Variants in TIAM1 observed in about 807,000 individuals in gnomAD.
TIAM1 encodes TIAM Rac1 associated GEF 1, also known as rho guanine nucleotide exchange factor TIAM1.
In TIAM1, 65 loss-of-function variants were observed where a neutral mutation model predicts 163.5. That is an observed-to-expected ratio of 0.40 (90% CI 0.33 to 0.49). TIAM1 has a LOEUF of 0.49. TIAM1 is among the 20% of genes least tolerant of loss of function. TIAM1 has a pLI of 0.77. For missense variants in TIAM1, 1,789 were observed against 2,044.7 expected (o/e 0.87, Z 2.41); for synonymous variants, 833 against 810.1 (o/e 1.03, Z -0.48).
At chr21:31,450,931 G>A (rs945372733) in intron 2 of TIAM1, among the ~76,000 whole-genome samples, 8 of 152,080 alleles carry the variant, frequency 5.3e-5, no homozygotes, top group African/African-American at 1.9e-4. Flanking sequence ...TTCAAGATGA[G>A]ATTTGGGTGG....
intron 1 of TIAM1, among the ~76,000 whole-genome samples, chr21:31,514,523 CAA>C (rs1043056393): frequency 3.8e-4 from 33 of 87,862 alleles, no homozygotes; most frequent in African/African-American, 8.9e-4. Context: ...ACTAAAAATA[CAA>C]AAAAAAAAAA....
chr21:31,414,924 C>T (rs942148426), intron 2 of TIAM1, among the ~76,000 whole-genome samples: 1 of 152,218 alleles, frequency 6.6e-6, no homozygotes, highest in African/African-American at 2.4e-5. Context: ...TCACGCACTC[C>T]AAGGAACATT....
At chr21:31,311,294 G>A (rs2074921265) in intron 2 of TIAM1, among the ~76,000 whole-genome samples, 1 of 151,982 alleles carries the variant, frequency 6.6e-6, no homozygotes, top group African/African-American at 2.4e-5. Flanking sequence ...AAAAGGGGAT[G>A]GACTTCAGTT....
At chr21:31,258,534 T>G (rs2072254398) in intron 4 of TIAM1, among the ~76,000 whole-genome samples, 1 of 152,102 alleles carries the variant, frequency 6.6e-6, no homozygotes, top group Non-Finnish European at 1.5e-5. Flanking sequence ...ATTGAGGAAG[T>G]AAGAAAGATA....
At chr21:31,532,067 T>C (rs530966870) in intron 1 of TIAM1, among the ~76,000 whole-genome samples, 2 of 152,174 alleles carry the variant, frequency 1.3e-5, no homozygotes, top group South Asian at 2.1e-4. Flanking sequence ...CAATGAGCCA[T>C]GATTGTGCCA....
chr21:31,553,479 C>T (rs556646875), intron 1 of TIAM1, among the ~76,000 whole-genome samples: 1 of 152,226 alleles, frequency 6.6e-6, no homozygotes, highest in Admixed American at 6.5e-5. Context: ...AAGAATAAAC[C>T]CCGTGGTTCT....
chr21:31,379,572 C>A (rs908189861), intron 2 of TIAM1, among the ~76,000 whole-genome samples: 8 of 151,178 alleles, frequency 5.3e-5, no homozygotes, highest in Admixed American at 5.3e-4. Context: ...AAAGCTTGTA[C>A]ACAAGTTTCG....
intron 2 of TIAM1, among the ~76,000 whole-genome samples, chr21:31,314,015 G>A (rs1052625640): frequency 6.6e-5 from 10 of 152,336 alleles, no homozygotes; most frequent in Non-Finnish European, 1.3e-4. Flanking sequence ...TTCCTGCATG[G>A]TAGACAAACA....
chr21:31,154,723 C>T (rs1384283139), intron 16 of TIAM1, among the ~76,000 whole-genome samples: 1 of 152,180 alleles, frequency 6.6e-6, no homozygotes, highest in Non-Finnish European at 1.5e-5. Flanking sequence ...GTAACTCATC[C>T]AAGATGATGC....
intron 9 of TIAM1, among the ~76,000 whole-genome samples, chr21:31,217,085 T>C (rs2087257829): frequency 6.6e-6 from 1 of 152,034 alleles, no homozygotes; most frequent in Non-Finnish European, 1.5e-5. Context: ...TGGGCACCTG[T>C]AGTCCCAGCT....
chr21:31,515,486 T>C (rs2047351604), intron 1 of TIAM1, among the ~76,000 whole-genome samples: 1 of 152,166 alleles, frequency 6.6e-6, no homozygotes, highest in South Asian at 2.1e-4. Context: ...ATCACTACTT[T>C]ACCTCCTCCC....
chr21:31,458,657 T>C (rs1210074289), intron 2 of TIAM1, among the ~76,000 whole-genome samples: 3 of 152,104 alleles, frequency 2.0e-5, no homozygotes, highest in Non-Finnish European at 4.4e-5. Context: ...TGGGAACCCT[T>C]TACTCTAATG....
chr21:31,398,380 T>C (rs2077109122), intron 2 of TIAM1, among the ~76,000 whole-genome samples: 2 of 152,174 alleles, frequency 1.3e-5, no homozygotes, highest in African/African-American at 4.8e-5. Context: ...TCCCACACAG[T>C]GGTAATGGTT....
chr21:31,513,562 T>A (rs562886560), intron 1 of TIAM1, among the ~76,000 whole-genome samples: 1 of 152,328 alleles, frequency 6.6e-6, no homozygotes, highest in South Asian at 2.1e-4. Context: ...TCTTTAGCAG[T>A]AGAATCAGAC....
At chr21:31,154,654 C>T (rs2146327678) in intron 16 of TIAM1, among the ~76,000 whole-genome samples, 1 of 152,264 alleles carries the variant, frequency 6.6e-6, no homozygotes, top group East Asian at 1.9e-4. Context: ...CGCCTAGTGC[C>T]GGTCTAATGC....
intron 18 of TIAM1, 74 bp from the exon 19 acceptor site, chr21:31,152,835 AG>A: frequency 6.5e-7 from 1 of 1,543,940 alleles, no homozygotes; most frequent in Non-Finnish European, 8.7e-7. Flanking sequence ...TCTGATTACA[AG>A]GTTTTTCTAT....
intron 2 of TIAM1, among the ~76,000 whole-genome samples, chr21:31,310,219 G>A (rs1027852819): frequency 1.3e-5 from 2 of 152,138 alleles, no homozygotes; most frequent in African/African-American, 2.4e-5. Flanking sequence ...CCCCAGTCAC[G>A]TCCCTGGAAG....
rs565733974 is a variant in TIAM1, at chr21:31,239,388, C to T, written c.1584+6100G>A. Among the ~76,000 whole-genome samples, 133 of 152,154 alleles carry T rather than the reference C, an allele frequency of 8.7e-4. 3 individuals carry two copies. The South Asian group carries it at 0.024, about 27-fold the overall frequency. ...TCAGTGATCTGCCTGCCTTGGCCCC[C>T]CAAAGTGCTGAGATTACAGGCATGA... On this transcript the variant is annotated intron_variant, in intron 6 of 27. Coordinates refer to ENST00000541036, the MANE Select transcript of TIAM1 (RefSeq NM_001353694.2).
intron 1 of TIAM1, among the ~76,000 whole-genome samples, chr21:31,469,167 T>G (rs2045646823): frequency 6.7e-6 from 1 of 149,930 alleles, no homozygotes; most frequent in Non-Finnish European, 1.5e-5. Context: ...ACTGCAGCCT[T>G]GAACTCCCGT....
Sources: allele counts gnomAD v4.1 joint callset (sites outside exome capture counted in the v4.1 genomes callset), GRCh38; gene constraint gnomAD v4.1.1; transcripts MANE v1.5; gene names NCBI Gene and HGNC (gene_info 2026-07-23, HGNC 2026-07-21).